The following DAB1 variants were observed in gnomAD, a reference collection of about 807,000 sequenced individuals.
DAB1 encodes the protein disabled homolog 1.
Under a neutral mutation model 64.6 loss-of-function variants are expected in DAB1, and 15 were observed. That is an observed-to-expected ratio of 0.23 (90% CI 0.16 to 0.36). DAB1 has a LOEUF of 0.36. Among genes scored for constraint, DAB1 ranks in the 10% least tolerant of loss-of-function variants. The probability of loss-of-function intolerance (pLI) is 1.00; values close to 1 mark genes in which losing one functional copy is unlikely to be tolerated. For synonymous variants in DAB1, 235 were observed against 251.9 expected, an observed-to-expected ratio of 0.93 and a Z score of 0.64; for missense variants, 596 against 706.7, an observed-to-expected ratio of 0.84 and a Z score of 1.78.
intron 3 of DAB1, among the ~76,000 whole-genome samples, chr1:58,364,019 CAG>C (rs755941288): frequency 2.7e-4 from 41 of 152,204 alleles, no homozygotes; most frequent in Non-Finnish European, 5.6e-4. Flanking sequence ...TTTCTGGAGT[CAG>C]CAGGCTCACT....
chr1:58,130,620 C>G (rs1264652003), intron 5 of DAB1, among the ~76,000 whole-genome samples: 2 of 151,898 alleles, frequency 1.3e-5, no homozygotes, highest in East Asian at 3.9e-4. Context: ...CATATTTAGT[C>G]CTTCCTTCAG....
intron 1 of DAB1, among the ~76,000 whole-genome samples, chr1:58,532,106 T>C (rs1411495915): frequency 2.0e-5 from 3 of 152,186 alleles, no homozygotes; most frequent in African/African-American, 7.2e-5. Context: ...ATTGCTATTA[T>C]ACAGTCTTAG....
intron 5 of DAB1, among the ~76,000 whole-genome samples, chr1:57,959,026 GCTAA>G (rs1645454897): frequency 6.6e-6 from 1 of 152,194 alleles, no homozygotes; most frequent in South Asian, 2.1e-4. Flanking sequence ...CTGTTTGTAT[GCTAA>G]CTCTTTGGAT....
Position 58,095,111 on chromosome 1 carries a change from G to A in DAB1, n.387+55400C>T, listed in dbSNP as rs899022036. Among the ~76,000 whole-genome samples, 4 of 152,142 alleles carry A rather than the reference G, an allele frequency of 2.6e-5. No homozygotes were observed. In the South Asian group the frequency reaches 6.2e-4, roughly 24 times the overall value. On this transcript the variant is annotated intron_variant and non_coding_transcript_variant, in intron 5 of 20. Transcript: ENST00000485760. ...CTAGAGTTCGCTGACCCCGGCTCTC[G>A]ACTGTAAGTTGTCTCAGGACATGGT...
chr1:58,284,163 G>A (rs1661630475), intron 4 of DAB1, among the ~76,000 whole-genome samples: 1 of 152,178 alleles, frequency 6.6e-6, no homozygotes, highest in African/African-American at 2.4e-5. Context: ...GGAGTTGGCT[G>A]GATGTTTCCT....
intron 6 of DAB1, among the ~76,000 whole-genome samples, chr1:57,807,507 G>C (rs1651418489): frequency 6.6e-6 from 1 of 152,062 alleles, no homozygotes; most frequent in African/African-American, 2.4e-5. Flanking sequence ...CAAGATTTTG[G>C]TTAACCTGTT....
intron 2 of DAB1, among the ~76,000 whole-genome samples, chr1:57,282,779 T>C (rs1243758499): frequency 6.6e-6 from 1 of 152,192 alleles, no homozygotes; most frequent in East Asian, 1.9e-4. Context: ...ATTTATCTTT[T>C]CTTATAATTA....
At chr1:57,855,552 G>A (rs1653714222) in intron 1 of DAB1, among the ~76,000 whole-genome samples, 2 of 152,094 alleles carry the variant, frequency 1.3e-5, no homozygotes, top group African/African-American at 4.8e-5. Flanking sequence ...TTGATATAGG[G>A]ACATAGGGAC....
intron 5 of DAB1, among the ~76,000 whole-genome samples, chr1:57,969,062 A>G (rs1196121781): frequency 1.3e-5 from 2 of 152,300 alleles, no homozygotes; most frequent in East Asian, 3.9e-4. Context: ...AGAAAATTAA[A>G]TAGTCTGGTT....
intron 2 of DAB1, among the ~76,000 whole-genome samples, chr1:57,242,128 T>C (rs17115441): frequency 0.1 from 15,436 of 152,230 alleles, 1,719 homozygotes; most frequent in African/African-American, 0.28. Flanking sequence ...TAAATGGTTA[T>C]AGGTTTATGG....
chr1:57,688,851 G>T (rs1646730822), intron 6 of DAB1, among the ~76,000 whole-genome samples: 1 of 152,108 alleles, frequency 6.6e-6, no homozygotes, highest in African/African-American at 2.4e-5. Context: ...ACTTGTAAGT[G>T]GGAGCTAAAC....
chr1:58,268,955 C>CT (rs1661241073), intron 4 of DAB1, among the ~76,000 whole-genome samples: 1 of 152,134 alleles, frequency 6.6e-6, no homozygotes, highest in African/African-American at 2.4e-5. Context: ...AGAAATAAAC[C>CT]TTCACATATA....
chr1:58,224,514 G>A (rs998832425), intron 4 of DAB1, among the ~76,000 whole-genome samples: 2 of 152,124 alleles, frequency 1.3e-5, no homozygotes, highest in Admixed American at 6.6e-5. Flanking sequence ...TGTAAGCATT[G>A]AGAAAATATA....
chr1:58,445,616 C>T (rs757845026), intron 3 of DAB1, among the ~76,000 whole-genome samples: 1 of 152,208 alleles, frequency 6.6e-6, no homozygotes, highest in Non-Finnish European at 1.5e-5. Context: ...ACGCTTCTTG[C>T]TGGAGGATTT....
At chr1:57,301,606 GCAGCTT>G (rs1213608387) in intron 1 of DAB1, among the ~76,000 whole-genome samples, 1 of 152,140 alleles carries the variant, frequency 6.6e-6, no homozygotes, top group Non-Finnish European at 1.5e-5. Context: ...GCCGCATTTG[GCAGCTT>G]CACCTGCTGA....
chr1:58,140,243 C>G (rs1570407115), intron 5 of DAB1, among the ~76,000 whole-genome samples: 1 of 152,140 alleles, frequency 6.6e-6, no homozygotes, highest in Admixed American at 6.5e-5. Flanking sequence ...TCTAGCTTCA[C>G]CATGTGGTAT....
At chr1:58,033,377 G>A (rs1009321578) in intron 5 of DAB1, among the ~76,000 whole-genome samples, 11 of 152,132 alleles carry the variant, frequency 7.2e-5, no homozygotes, top group African/African-American at 2.7e-4. Flanking sequence ...GCTGCTATCA[G>A]ATAAGCACCA....
intron 7 of DAB1, among the ~76,000 whole-genome samples, chr1:57,579,841 G>A (rs1645291071): frequency 2.0e-5 from 3 of 152,142 alleles, no homozygotes; most frequent in South Asian, 2.1e-4. Context: ...AAAACCAGGC[G>A]CAGGTCAAAA....
intron 6 of DAB1, among the ~76,000 whole-genome samples, chr1:57,766,812 C>CACTCTTCT (rs543565290): frequency 0.14 from 21,150 of 152,016 alleles, 1,575 homozygotes; most frequent in East Asian, 0.3. Flanking sequence ...CTAGGCAACA[C>CACTCTTCT]GCTCTTCTGT....
Sources: allele counts gnomAD v4.1 joint callset (sites outside exome capture counted in the v4.1 genomes callset), GRCh38; gene constraint gnomAD v4.1.1; transcripts MANE v1.5; gene names NCBI Gene and HGNC (gene_info 2026-07-23, HGNC 2026-07-21).